Variants in TRHDE observed in about 807,000 individuals in gnomAD.
The protein encoded by TRHDE is thyrotropin-releasing hormone-degrading ectoenzyme.
TRHDE carries 72 observed loss-of-function variants against 125.7 expected under a neutral mutation model. The observed-to-expected ratio is 0.57, with a 90% CI of 0.47 to 0.70. TRHDE has a LOEUF of 0.70. Ranked by LOEUF, TRHDE falls within the 30% of genes least tolerant of loss-of-function variation. TRHDE has a pLI of 0.00. For missense variants in TRHDE, 1,110 were observed against 1,327.1 expected (o/e 0.84, Z 2.54); for synonymous variants, 509 against 509.1 (o/e 1.00, Z 0.00).
chr12:72,175,137 T>G (rs994121547), intron 2 of TRHDE, among the ~76,000 whole-genome samples: 6 of 152,216 alleles, frequency 3.9e-5, no homozygotes, highest in Non-Finnish European at 1.5e-5. Context: ...TGCTCAGTGA[T>G]TAGCAATTCC....
chr12:72,177,874 A>G (rs2139339546), intron 2 of TRHDE, among the ~76,000 whole-genome samples: 1 of 152,278 alleles, frequency 6.6e-6, no homozygotes, highest in East Asian at 1.9e-4. Context: ...ACAAGTGAGT[A>G]CTTGGAACTG....
chr12:72,445,340 T>C (rs781386639), intron 3 of TRHDE, among the ~76,000 whole-genome samples: 3 of 151,866 alleles, frequency 2.0e-5, no homozygotes, highest in Non-Finnish European at 4.4e-5. Context: ...GAAGAAAATA[T>C]TGCCCTGTTC....
chr12:72,472,695 G>A (rs1876705970), intron 4 of TRHDE, among the ~76,000 whole-genome samples: 1 of 152,100 alleles, frequency 6.6e-6, no homozygotes, highest in African/African-American at 2.4e-5. Flanking sequence ...CCGTTCATTA[G>A]TCCTGGTTTG....
At chr12:72,462,230 A>C (rs1295816684) in intron 3 of TRHDE, among the ~76,000 whole-genome samples, 2 of 152,180 alleles carry the variant, frequency 1.3e-5, no homozygotes, top group East Asian at 3.9e-4. Flanking sequence ...TGGGGCAGGA[A>C]ACAGAAGTAA....
At chr12:72,216,456 A>G (rs1028898223) in intron 2 of TRHDE, among the ~76,000 whole-genome samples, 4 of 152,220 alleles carry the variant, frequency 2.6e-5, no homozygotes, top group African/African-American at 9.6e-5. Flanking sequence ...GATAAAAGTC[A>G]GGTCTCCTGT....
At chr12:72,661,595 G>A (rs1021874600) in intron 18 of TRHDE, among the ~76,000 whole-genome samples, 1 of 151,974 alleles carries the variant, frequency 6.6e-6, no homozygotes. Flanking sequence ...AAGTACAAAT[G>A]TATTCTTGTG....
At chr12:72,193,226 C>T (rs529773892) in intron 2 of TRHDE, among the ~76,000 whole-genome samples, 3 of 151,806 alleles carry the variant, frequency 2.0e-5, no homozygotes, top group South Asian at 2.1e-4. Context: ...ATTCCATAAA[C>T]ATACAGATTA....
rs1377419165 is a variant in TRHDE, at chr12:72,304,969, T to C, written c.1188+18015T>C. Among the ~76,000 whole-genome samples the C allele has an allele frequency of 2.0e-5, 3 of 152,146 alleles. No homozygotes were observed. The East Asian group carries it at 5.8e-4, about 29-fold the overall frequency. On this transcript the variant is annotated intron_variant, in intron 2 of 18. Coordinates refer to ENST00000261180, the MANE Select transcript of TRHDE (RefSeq NM_013381.3). The stretch of plus-strand genomic sequence containing the variant: ...AATTGGTCTTAATGTCCCACGTGTC[T>C]GTCATCTTATCTTGTGGTTAAAGAT...
At chr12:72,325,859 T>G (rs1869317115) in intron 2 of TRHDE, among the ~76,000 whole-genome samples, 6 of 152,306 alleles carry the variant, frequency 3.9e-5, no homozygotes, top group Admixed American at 1.3e-4. Flanking sequence ...TGCAACTCAC[T>G]ATGCTTCGAC....
chr12:72,118,787 T>G (rs145453576), intron 2 of TRHDE, among the ~76,000 whole-genome samples: 1 of 152,322 alleles, frequency 6.6e-6, no homozygotes, highest in Admixed American at 6.5e-5. Context: ...GTAGGTTGTA[T>G]GTGTCTAGAA....
chr12:72,308,148 C>T (rs924782240), intron 2 of TRHDE, among the ~76,000 whole-genome samples: 5 of 151,008 alleles, frequency 3.3e-5, no homozygotes, highest in African/African-American at 1.2e-4. Context: ...AAGTTGGGCT[C>T]TCAGAGCAGT....
Position 72,187,310 on chromosome 12 carries a change from AACACACACACAC to A in TRHDE, n.279+81599_279+81610del, listed in dbSNP as rs59164233. ...GTACTAGGGTTCTTCAGAGAAACAC[AACACACACACAC>A]ACACACACACACACACACACACACA... On this transcript the variant is annotated intron_variant and non_coding_transcript_variant, in intron 2 of 4. Transcript: ENST00000548156. Among the ~76,000 whole-genome samples the A allele has an allele frequency of 3.7e-3, 492 of 131,324 alleles. 3 individuals carry two copies. Among genetic ancestry groups the A allele is most frequent in the South Asian group, 0.013 (49 of 3,758 alleles). The allele number at this position is 131,324 out of a possible 152,430, so 86.2% of individuals were successfully genotyped here. A position where few individuals can be genotyped will look rare whatever the true frequency, so the allele number is the denominator to read the frequency against.
chr12:72,200,556 T>C lies in TRHDE; in HGVS notation n.279+94804T>C, dbSNP rs1233883582. On this transcript the variant is annotated intron_variant and non_coding_transcript_variant, in intron 2 of 4. Coordinates refer to the TRHDE transcript ENST00000548156. ...TTTTCTGAGCATAAGTGGCGAGTAT[T>C]GACTGTTGGGAAACAAATAAAAATT... Among the ~76,000 whole-genome samples the C allele has an allele frequency of 2.0e-5, 3 of 152,194 alleles. No individual in the cohort carries two copies. In the East Asian group the frequency reaches 5.8e-4, roughly 29 times the overall value.
In TRHDE at chr12:72,664,910, A is replaced by T. The variant is rs2136119956; in HGVS notation, c.*1715A>T. The T allele has an allele frequency of 6.6e-6, 1 of 152,186 alleles. No individual in the cohort carries two copies. The highest frequency in any genetic ancestry group is 1.9e-4 in the East Asian group (1 of 5,166). The allele number at this position is 152,186 out of a possible 1,614,324, so 9.4% of individuals were successfully genotyped here. On this transcript the variant is annotated 3_prime_UTR_variant, in exon 19 of 19. Coordinates refer to ENST00000261180, the MANE Select transcript of TRHDE (RefSeq NM_013381.3). ...TAAGCAAGTAATACCTATTAGTCAT[A>T]CCTAAATTTTTCAGCACTTCATTCA...
intron 3 of TRHDE, among the ~76,000 whole-genome samples, chr12:72,435,972 C>T (rs189115305): frequency 3.9e-5 from 6 of 151,928 alleles, no homozygotes; most frequent in Admixed American, 1.3e-4. Flanking sequence ...CACATATGTT[C>T]CCCCCGACCA....
At chr12:72,410,873 A>G (rs1318610065) in intron 3 of TRHDE, among the ~76,000 whole-genome samples, 1 of 151,190 alleles carries the variant, frequency 6.6e-6, no homozygotes, top group Admixed American at 6.6e-5. Flanking sequence ...AAGCAGATAA[A>G]AAAAAAAAAA....
At chr12:72,517,611 A>G (rs932841123) in intron 6 of TRHDE, among the ~76,000 whole-genome samples, 29 of 151,958 alleles carry the variant, frequency 1.9e-4, no homozygotes, top group Admixed American at 6.6e-4. Flanking sequence ...GGATTCATTA[A>G]TTTTTTGAAG....
At chr12:72,486,051 C>T (rs902353032) in intron 5 of TRHDE, among the ~76,000 whole-genome samples, 3 of 152,130 alleles carry the variant, frequency 2.0e-5, no homozygotes, top group East Asian at 3.9e-4. Context: ...GTTCCAGGTC[C>T]TGCATTGCTG....
chr12:72,184,190 T>G (rs1877155064), intron 2 of TRHDE, among the ~76,000 whole-genome samples: 1 of 152,192 alleles, frequency 6.6e-6, no homozygotes, highest in Admixed American at 6.5e-5. Flanking sequence ...TATTTCTTGC[T>G]ACCCTTAGGG....
Sources: allele counts gnomAD v4.1 joint callset (sites outside exome capture counted in the v4.1 genomes callset), GRCh38; gene constraint gnomAD v4.1.1; transcripts MANE v1.5; gene names NCBI Gene and HGNC (gene_info 2026-07-23, HGNC 2026-07-21).